HSPA14: variants seen among roughly 807,000 people sequenced by gnomAD.
The protein encoded by HSPA14 is heat shock protein family A (Hsp70) member 14.
HSPA14 carries 37 observed loss-of-function variants against 65.5 expected under a neutral mutation model. The ratio of observed to expected loss-of-function variants is 0.56; its 90% confidence interval spans 0.43 to 0.74. The LOEUF is 0.74. Ranked by LOEUF, HSPA14 falls within the 30% of genes least tolerant of loss-of-function variation. The pLI is 0.00. For missense variants in HSPA14, 564 were observed against 607.6 expected (o/e 0.93, Z 0.75); for synonymous variants, 203 against 214.2 (o/e 0.95, Z 0.46).
Position 14,871,554 on chromosome 10 carries a change from C to A in HSPA14, c.1478C>A (p.Thr493Lys). Residue 493 changes from threonine to lysine, a missense_variant, in exon 14 of 14, where the codon ACA becomes AAA. By Grantham distance (78) the Thr-to-Lys change is moderately conservative. Transcript: ENST00000378372. ...GATGGATCTTTACATGTGACATGCACAGATCAAGAAACTGGAAAATGTGAA... is the reference window on the plus strand; with the variant it reads ...GATGGATCTTTACATGTGACATGCAAAGATCAAGAAACTGGAAAATGTGAA... ...KRDGSLHVTC[T>K]DQETGKCEAI... is the part of the protein sequence containing the mutation. 1 of 1,592,810 alleles carries A rather than the reference C, an allele frequency of 6.3e-7. No homozygotes were observed. Among genetic ancestry groups the A allele is most frequent in the Non-Finnish European group, 8.6e-7 (1 of 1,165,776 alleles).
chr10:14,843,957 C>A (rs186040447), intron 3 of HSPA14: 13 of 1,516,720 alleles, frequency 8.6e-6, no homozygotes, highest in South Asian at 1.2e-5. Flanking sequence ...AACCTGCCTT[C>A]TGAATCCCTG....
chr10:14,869,870 C>T (rs930066184), intron 12 of HSPA14, among the ~76,000 whole-genome samples: 1 of 152,188 alleles, frequency 6.6e-6, no homozygotes, highest in African/African-American at 2.4e-5. Flanking sequence ...GCCACTATAT[C>T]CTAACTTAAA....
intron 9 of HSPA14, 92 bp from the exon 10 acceptor site, chr10:14,855,749 A>C: frequency 1.5e-6 from 1 of 648,744 alleles, no homozygotes; most frequent in Non-Finnish European, 2.7e-6. Context: ...AAGAAAAAGA[A>C]AAGTGATATT....
At chr10:14,857,569 ATAT>A (rs1832715575) in intron 10 of HSPA14, among the ~76,000 whole-genome samples, 1 of 152,148 alleles carries the variant, frequency 6.6e-6, no homozygotes, top group South Asian at 2.1e-4. Context: ...TTTTTATCTC[ATAT>A]TATTTGCCCA....
Position 14,851,236 on chromosome 10 carries a change from C to G in HSPA14, c.485C>G (p.Ala162Gly), listed in dbSNP as rs569279090. 2.9e-5 allele frequency: 46 copies of G among 1,605,950 alleles called. No individual in the cohort carries two copies. The South Asian group carries it at 4.3e-4, about 15-fold the overall frequency. Residue 162 changes from alanine (A) to glycine (G), a missense_variant, in exon 7 of 14, where the codon GCT becomes GGT. Transcript: ENST00000378372. ...GTTCACAGAGAAGCAGCTAGAGCTG[C>G]TGGATTTAATGTTTTGCGATTAATT... ...KNALGEAARA[A>G]GFNVLRLIHE...
intron 3 of HSPA14, 46 bp from the exon 4 acceptor site, chr10:14,848,551 TATATATCTACAA>T: frequency 7.8e-7 from 1 of 1,279,988 alleles, no homozygotes; most frequent in Non-Finnish European, 1.1e-6. Context: ...CTCTAAACTT[TATATATCTACAA>T]TACTGATTTT....
chr10:14,858,643 G>C (rs933230000), intron 10 of HSPA14, among the ~76,000 whole-genome samples: 3 of 152,144 alleles, frequency 2.0e-5, no homozygotes, highest in Non-Finnish European at 2.9e-5. Flanking sequence ...TGTCACAGTG[G>C]GTATGACAGA....
intron 10 of HSPA14, among the ~76,000 whole-genome samples, chr10:14,862,753 C>T (rs979603695): frequency 6.6e-6 from 1 of 151,976 alleles, no homozygotes; most frequent in Non-Finnish European, 1.5e-5. Flanking sequence ...AATCATGGCT[C>T]ACTGCAGCCT....
In HSPA14 at chr10:14,838,434, C is replaced by G. The variant is rs766902454; in HGVS notation, c.32C>G (p.Thr11Ser). The stretch of plus-strand genomic sequence containing the variant: ...GCCATCGGAGTTCACCTGGGCTGCA[C>G]CTCAGCCTGTGTGGCCGTCTATAAG... The part of the protein sequence containing the change: MAAIGVHLGC[T>S]SACVAVYKDG... The change falls in exon 1 of 14, where the codon ACC (threonine) becomes AGC (serine). Residue 11 changes from threonine to serine, a missense_variant. Physicochemically the swap from Thr to Ser is moderately conservative, Grantham distance 58. Transcript: ENST00000378372. 6.2e-7 allele frequency: 1 copy of G among 1,606,554 alleles called. No individual in the cohort carries two copies. Among genetic ancestry groups the G allele is most frequent in the African/African-American group, 1.3e-5 (1 of 75,032 alleles).
chr10:14,841,091 T>C (rs530994498), intron 3 of HSPA14: 39 of 152,308 alleles, frequency 2.6e-4, no homozygotes, highest in Admixed American at 6.5e-4. Flanking sequence ...CAGGTATCTC[T>C]TACCTGTTTA....
At chr10:14,847,834 G>A (rs999392202) in intron 3 of HSPA14, among the ~76,000 whole-genome samples, 8 of 152,114 alleles carry the variant, frequency 5.3e-5, no homozygotes, top group African/African-American at 1.9e-4. Flanking sequence ...TTTCTATCCC[G>A]CTCAAGGGAC....
In HSPA14 at chr10:14,839,820, A is replaced by G; in HGVS notation, c.58-85A>G. The G allele has an allele frequency of 4.3e-6, 4 of 928,178 alleles. No homozygotes were observed. The South Asian group carries it at 7.0e-5, about 16-fold the overall frequency. The allele number at this position is 928,178 out of a possible 1,614,324, so 57.5% of individuals were successfully genotyped here. Reference sequence around the variant, plus strand: ...TTGAGATAGCAGTTTTTCTTTCCACACAGATGGCAAAGTAACACTGGTGCA... The same window carrying G: ...TTGAGATAGCAGTTTTTCTTTCCACGCAGATGGCAAAGTAACACTGGTGCA... On this transcript the variant is annotated intron_variant, in intron 1 of 13. Coordinates refer to ENST00000378372, the MANE Select transcript of HSPA14 (RefSeq NM_016299.4).
intron 10 of HSPA14, among the ~76,000 whole-genome samples, chr10:14,860,804 G>T (rs1230659083): frequency 6.6e-6 from 1 of 152,092 alleles, no homozygotes; most frequent in African/African-American, 2.4e-5. Context: ...CTGGAGACAT[G>T]TTTGTCCACA....
At chr10:14,839,615 G>T (rs1833944588) in intron 1 of HSPA14, among the ~76,000 whole-genome samples, 1 of 151,900 alleles carries the variant, frequency 6.6e-6, no homozygotes, top group Non-Finnish European at 1.5e-5. Flanking sequence ...AAGGAAGAGA[G>T]GTAGGAAAGG....
At chr10:14,866,488 C>T (rs1166303501) in intron 10 of HSPA14, among the ~76,000 whole-genome samples, 2 of 152,150 alleles carry the variant, frequency 1.3e-5, no homozygotes, top group Non-Finnish European at 2.9e-5. Context: ...ATGAATGAAT[C>T]AATGAGCAAC....
intron 3 of HSPA14, among the ~76,000 whole-genome samples, chr10:14,840,610 C>A (rs887100924): frequency 2.6e-5 from 4 of 152,118 alleles, no homozygotes; most frequent in African/African-American, 9.7e-5. Flanking sequence ...ACTTGACTTA[C>A]AAATTTAATC....
In HSPA14 at chr10:14,838,328, G is replaced by A. The variant is rs1464239090; in HGVS notation, c.-75G>A. 4 of 1,434,150 alleles carry A rather than the reference G, an allele frequency of 2.8e-6. No homozygotes were observed. In the African/African-American group the frequency reaches 4.2e-5, roughly 15 times the overall value. The allele number at this position is 1,434,150 out of a possible 1,614,324, so 88.8% of individuals were successfully genotyped here. A position where few individuals can be genotyped will look rare whatever the true frequency, so the allele number is the denominator to read the frequency against. ...AACGTGAAGCTCCGCGGTGCCTGAT[G>A]GGGCCGTTGGGCGGCCGGTAGCTGT... On this transcript the variant is annotated 5_prime_UTR_variant, in exon 1 of 14. The change abolishes an upstream ATG in the 5' untranslated region. Coordinates refer to ENST00000378372, the MANE Select transcript of HSPA14 (RefSeq NM_016299.4).
chr10:14,863,527 T>G (rs2131646602), intron 10 of HSPA14, among the ~76,000 whole-genome samples: 1 of 152,302 alleles, frequency 6.6e-6, no homozygotes, highest in South Asian at 2.1e-4. Flanking sequence ...AAACTGAGTG[T>G]AACAGTCCTG....
rs1833920569 is a variant in HSPA14, at chr10:14,838,466, G to A, written c.57+7G>A. 2.5e-6 allele frequency: 4 copies of A among 1,601,498 alleles called. No homozygotes were observed. In the South Asian group the frequency reaches 4.5e-5, roughly 18 times the overall value. On this transcript the variant is annotated splice_region_variant and intron_variant, in intron 1 of 13. Transcript: ENST00000378372. ...CTGTGTGGCCGTCTATAAGGTGAGG[G>A]GCTGCGGAGCTGGGCTAGGGCTTCA...
Sources: gnomAD v4.1 joint callset for allele counts (sites outside exome capture counted in the v4.1 genomes callset) on GRCh38, gnomAD v4.1.1 for gene constraint, MANE v1.5 for transcripts, NCBI Gene and HGNC (gene_info 2026-07-23, HGNC 2026-07-21) for gene names.